The following ITPRID1 variants were observed in gnomAD, a reference collection of about 807,000 sequenced individuals.
ITPRID1 encodes protein ITPRID1.
Under a neutral mutation model 95.4 loss-of-function variants are expected in ITPRID1, and 96 were observed. That is an observed-to-expected ratio of 1.01 (90% CI 0.85 to 1.19). The LOEUF is 1.19. Among genes scored for constraint, ITPRID1 ranks in the 50% most tolerant of loss-of-function variants. The probability of loss-of-function intolerance (pLI) is 0.00; values close to 1 mark genes in which losing one functional copy is unlikely to be tolerated. For missense variants in ITPRID1, 1,339 were observed against 1,252.9 expected (o/e 1.07, Z -1.04); for synonymous variants, 510 against 453.6 (o/e 1.12, Z -1.58).
At chr7:31,548,190 A>G (rs565795714) in intron 1 of ITPRID1, among the ~76,000 whole-genome samples, 13 of 152,194 alleles carry the variant, frequency 8.5e-5, no homozygotes, top group African/African-American at 2.2e-4. Context: ...GCAGAGGGAA[A>G]GATTATGGAA....
chr7:31,649,573 T>C (rs73686909), intron 12 of ITPRID1, among the ~76,000 whole-genome samples: 6,680 of 152,228 alleles, frequency 0.044, 468 homozygotes, highest in African/African-American at 0.15. Flanking sequence ...AGAGAAAGAT[T>C]GTGAGTAGTC....
chr7:31,523,967 T>C (rs1039190293), intron 1 of ITPRID1, among the ~76,000 whole-genome samples: 1 of 152,186 alleles, frequency 6.6e-6, no homozygotes, highest in Non-Finnish European at 1.5e-5. Context: ...TCTTGAACCA[T>C]TGAAGAGCTC....
chr7:31,548,027 G>C (rs1284727201), intron 1 of ITPRID1, among the ~76,000 whole-genome samples: 6 of 151,958 alleles, frequency 3.9e-5, no homozygotes, highest in Admixed American at 2.6e-4. Flanking sequence ...GGTCACATTA[G>C]AGTGTATTGT....
At chr7:31,626,675 G>T (rs995425646) in intron 10 of ITPRID1, among the ~76,000 whole-genome samples, 1 of 152,126 alleles carries the variant, frequency 6.6e-6, no homozygotes, top group Non-Finnish European at 1.5e-5. Flanking sequence ...AGTGCTTCTG[G>T]ATCCCTAAAG....
At chr7:31,567,312 A>T (rs1212305520) in intron 5 of ITPRID1, among the ~76,000 whole-genome samples, 4 of 152,194 alleles carry the variant, frequency 2.6e-5, no homozygotes. Context: ...TTCAACTTCT[A>T]AAGTTTATAT....
intron 10 of ITPRID1, among the ~76,000 whole-genome samples, chr7:31,611,223 T>G (rs38331): frequency 0.98 from 148,021 of 151,442 alleles, 72,350 homozygotes; most frequent in East Asian, 1. Context: ...TTAAAAATTT[T>G]CTCCAGTATA....
chr7:31,612,357 C>CTTTTG (rs1056299285), intron 10 of ITPRID1, among the ~76,000 whole-genome samples: 6 of 151,788 alleles, frequency 4.0e-5, no homozygotes, highest in East Asian at 1.9e-4. Context: ...TATTGATTGG[C>CTTTTG]TTTTGTTTTG....
intron 10 of ITPRID1, among the ~76,000 whole-genome samples, chr7:31,619,926 G>T (rs898425176): frequency 6.6e-6 from 1 of 152,194 alleles, no homozygotes; most frequent in Non-Finnish European, 1.5e-5. Context: ...TTTCCGACGG[G>T]CTTAAAAAAC....
At chr7:31,608,985 G>C (rs1786745020) in intron 10 of ITPRID1, among the ~76,000 whole-genome samples, 1 of 151,698 alleles carries the variant, frequency 6.6e-6, no homozygotes, top group Admixed American at 6.6e-5. Context: ...TTTATAGGTA[G>C]AGGATATTCA....
In ITPRID1 at chr7:31,651,192, G is replaced by C. The variant is rs1269184276; in HGVS notation, c.2634G>C (p.Arg878=). ...EAMKTICQSF[R]EYLEEIEQHL... The stretch of plus-strand genomic sequence containing the variant: ...TGAAGACGATATGCCAAAGTTTCCG[G>C]GAGTATTTAGAAGAAATTGAACAGC... Residue 878 remains arginine (R), a synonymous_variant, in exon 13 of 15, where the codon CGG becomes CGC. Transcript: ENST00000615280. 8 of 1,613,460 alleles carry C rather than the reference G, an allele frequency of 5.0e-6. No homozygotes were observed. The highest frequency in any genetic ancestry group is 6.8e-6 in the Non-Finnish European group (8 of 1,179,626).
In ITPRID1 at chr7:31,629,199, A is replaced by G. The variant is rs190552185; in HGVS notation, c.1229-12977A>G. Among the ~76,000 whole-genome samples the G allele has an allele frequency of 2.9e-3, 435 of 152,356 alleles. 3 individuals are homozygous for G. Among genetic ancestry groups the G allele is most frequent in the East Asian group, 0.012 (60 of 5,184 alleles). ...ACATTGCATGCACATTTGCTATTCA[A>G]AATCGGATCTGCCCTCCTTTTTGTC... On this transcript the variant is annotated intron_variant, in intron 10 of 14. Transcript: ENST00000615280.
Position 31,643,328 on chromosome 7 carries a change from C to T in ITPRID1, c.1958C>T (p.Ala653Val). 1 of 1,613,976 alleles carries T rather than the reference C, an allele frequency of 6.2e-7. No individual in the cohort carries two copies. The change falls in exon 12 of 15, where the codon GCA becomes GTA. Residue 653 changes from alanine (A) to valine (V), a missense_variant. By Grantham distance (64) the Ala-to-Val change is moderately conservative. Transcript: ENST00000615280. ...AAGCACAGTGAAATCACACCTTATG[C>T]AACTGACCTTGCTCAAACATCTGAA... The part of the protein sequence containing the change: ...IPKHSEITPY[A>V]TDLAQTSEKL...
intron 11 of ITPRID1, 35 bp from the exon 12 acceptor site, chr7:31,642,646 CT>C: frequency 6.3e-7 from 1 of 1,587,776 alleles, no homozygotes; most frequent in Non-Finnish European, 8.6e-7. Context: ...CCTCCACTTC[CT>C]GACCTGTTTC....
intron 10 of ITPRID1, among the ~76,000 whole-genome samples, chr7:31,589,251 T>C (rs775138155): frequency 2.6e-5 from 4 of 152,088 alleles, no homozygotes; most frequent in East Asian, 3.8e-4. Context: ...TTTTAATATA[T>C]CTATAGACGT....
chr7:31,557,009 A>C (rs1272146568), intron 5 of ITPRID1, among the ~76,000 whole-genome samples: 2 of 151,890 alleles, frequency 1.3e-5, no homozygotes. Context: ...GCTTGCAGCT[A>C]CATAACTCCT....
At chr7:31,617,604 T>C (rs1583589576) in intron 10 of ITPRID1, among the ~76,000 whole-genome samples, 1 of 151,936 alleles carries the variant, frequency 6.6e-6, no homozygotes, top group East Asian at 1.9e-4. Context: ...AGCAGCTCTT[T>C]AGAGACAACT....
rs190825210 is a variant in ITPRID1, at chr7:31,617,794, G to A, written c.1229-24382G>A. On this transcript the variant is annotated intron_variant, in intron 10 of 14. Coordinates refer to ENST00000615280, the MANE Select transcript of ITPRID1 (RefSeq NM_001257967.3). ...AAATTGAAGATAATAAAGATAAAAT[G>A]AAAATGAAGATAAAATATTTGGAGA... Among the ~76,000 whole-genome samples the A allele has an allele frequency of 9.7e-4, 147 of 151,494 alleles. 1 individual carries two copies. Among genetic ancestry groups the A allele is most frequent in the African/African-American group, 3.5e-3 (142 of 40,886 alleles).
At position 31,578,222 on chromosome 7, in the gene ITPRID1, G is replaced by A. The variant is rs756869391; in HGVS notation, c.958G>A (p.Ala320Thr). 1.2e-6 allele frequency: 2 copies of A among 1,613,722 alleles called. No individual in the cohort carries two copies. The highest frequency in any genetic ancestry group is 1.7e-5 in the Admixed American group (1 of 59,982). Reference sequence around the variant, plus strand: ...GTCAGTAGAACATCAGTCTCTCCAAGCCTGTGATGATTTGCTACCTTATCC... The same window carrying A: ...GTCAGTAGAACATCAGTCTCTCCAAACCTGTGATGATTTGCTACCTTATCC... ...SLSVEHQSLQ[A>T]CDDLLPYPPH... The change falls in exon 9 of 15, where the codon GCC (alanine) becomes ACC (threonine). Residue 320 changes from alanine (A) to threonine (T), a missense_variant. Physicochemically the swap from Ala to Thr is moderately conservative, Grantham distance 58. Coordinates refer to ENST00000615280, the MANE Select transcript of ITPRID1 (RefSeq NM_001257967.3).
intron 10 of ITPRID1, among the ~76,000 whole-genome samples, chr7:31,615,752 C>CT (rs11324820): frequency 6.8e-4 from 97 of 143,420 alleles, no homozygotes; most frequent in South Asian, 2.5e-3. Flanking sequence ...ACTGAGAATT[C>CT]TTTTTTTTTT....
Sources: gnomAD v4.1 joint callset for allele counts (sites outside exome capture counted in the v4.1 genomes callset) on GRCh38, gnomAD v4.1.1 for gene constraint, MANE v1.5 for transcripts, NCBI Gene and HGNC (gene_info 2026-07-23, HGNC 2026-07-21) for gene names.